CCDC171: variants seen among roughly 807,000 people sequenced by gnomAD.
CCDC171 encodes the protein coiled-coil domain-containing protein 171.
Under a neutral mutation model 168.2 loss-of-function variants are expected in CCDC171, and 177 were observed. The observed-to-expected ratio is 1.05, with a 90% CI of 0.93 to 1.19. The LOEUF (loss-of-function observed/expected upper bound fraction) is 1.19, where lower values mean the gene tolerates loss of function less well. CCDC171 is among the 50% of genes most tolerant of loss of function. The pLI, the probability that CCDC171 is intolerant of heterozygous loss-of-function variation, is 0.00. For synonymous variants in CCDC171, 687 were observed against 540.8 expected (o/e 1.27, Z -3.75); for missense variants, 1,991 against 1,539.0 (o/e 1.29, Z -4.91).
intron 7 of CCDC171, among the ~76,000 whole-genome samples, chr9:15,645,890 C>G (rs2132645274): frequency 6.6e-6 from 1 of 152,264 alleles, no homozygotes; most frequent in Admixed American, 6.5e-5. Context: ...TCAGGAAATA[C>G]AGAGAACGCC....
chr9:15,950,441 A>G (rs965166521), intron 25 of CCDC171, among the ~76,000 whole-genome samples: 2 of 152,308 alleles, frequency 1.3e-5, no homozygotes, highest in African/African-American at 4.8e-5. Flanking sequence ...GAAACTCTAC[A>G]AGCCAGAAGA....
chr9:15,855,554 G>A (rs181497006), intron 23 of CCDC171, among the ~76,000 whole-genome samples: 2 of 151,842 alleles, frequency 1.3e-5, no homozygotes, highest in Admixed American at 1.3e-4. Flanking sequence ...TAACGTAATT[G>A]TGATAAGGAA....
chr9:15,961,506 G>T (rs1048845798), intron 25 of CCDC171, among the ~76,000 whole-genome samples: 1 of 152,124 alleles, frequency 6.6e-6, no homozygotes, highest in Non-Finnish European at 1.5e-5. Context: ...ATTACTCAGT[G>T]TCATTATTTG....
chr9:15,646,159 T>A (rs1263604744), intron 7 of CCDC171, among the ~76,000 whole-genome samples: 4 of 152,082 alleles, frequency 2.6e-5, no homozygotes, highest in Non-Finnish European at 5.9e-5. Flanking sequence ...GCTTCATAAG[T>A]GAAGGAGAAA....
At chr9:15,677,855 G>GTATA (rs201308668) in intron 9 of CCDC171, among the ~76,000 whole-genome samples, 5 of 66,578 alleles carry the variant, frequency 7.5e-5, no homozygotes, top group East Asian at 5.5e-4. Context: ...GTGTGTGTAT[G>GTATA]TATATATATA....
chr9:15,920,153 G>A (rs1254252398), intron 24 of CCDC171, 117 bp from the exon 25 acceptor site: 1 of 559,670 alleles, frequency 1.8e-6, no homozygotes, highest in African/African-American at 1.9e-5. Context: ...TTATTTTAAA[G>A]AAAGATGAAA....
the CCDC171 span, among the ~76,000 whole-genome samples, chr9:16,096,256 G>A: frequency 2.0e-5 from 3 of 152,096 alleles, no homozygotes; most frequent in Non-Finnish European, 4.4e-5. Context: ...TGTAGAGCAG[G>A]CCATAGTAAA....
At chr9:15,783,935 T>C (rs1161295009) in intron 20 of CCDC171, among the ~76,000 whole-genome samples, 1 of 152,178 alleles carries the variant, frequency 6.6e-6, no homozygotes, top group Non-Finnish European at 1.5e-5. Context: ...TTGGGGATGC[T>C]ACACCTTTAT....
intron 25 of CCDC171, among the ~76,000 whole-genome samples, chr9:15,960,748 C>T (rs770620805): frequency 6.6e-6 from 1 of 152,154 alleles, no homozygotes; most frequent in Non-Finnish European, 1.5e-5. Flanking sequence ...CCCCAGATCA[C>T]ATGATTTGTC....
intron 13 of CCDC171, 90 bp from the exon 14 acceptor site, chr9:15,724,686 G>C (rs540518930): frequency 7.9e-6 from 6 of 755,396 alleles, no homozygotes; most frequent in Non-Finnish European, 1.3e-5. Context: ...TTAAAGCTTT[G>C]AAAATGTTCA....
intron 3 of CCDC171, among the ~76,000 whole-genome samples, chr9:15,573,456 A>G (rs1006120433): frequency 1.3e-5 from 2 of 151,386 alleles, no homozygotes; most frequent in African/African-American, 4.8e-5. Flanking sequence ...TAATTTTTGT[A>G]TTTTTAGTAG....
chr9:15,714,073 CAT>C (rs1422343711), intron 11 of CCDC171, among the ~76,000 whole-genome samples: 2 of 152,140 alleles, frequency 1.3e-5, no homozygotes, highest in Admixed American at 1.3e-4. Flanking sequence ...CAATTGGAGT[CAT>C]ATTGATTAAT....
downstream of CCDC171, among the ~76,000 whole-genome samples, chr9:16,062,744 T>C (rs1457498604): frequency 6.6e-6 from 1 of 152,152 alleles, no homozygotes; most frequent in Non-Finnish European, 1.5e-5. Context: ...GAGAGTGACA[T>C]GCACACAAAT....
intron 7 of CCDC171, among the ~76,000 whole-genome samples, chr9:15,635,923 A>C (rs912152520): frequency 6.6e-6 from 1 of 152,096 alleles, no homozygotes; most frequent in Non-Finnish European, 1.5e-5. Context: ...TAAGGGTTCT[A>C]GTTTCTCTAG....
At chr9:15,822,922 C>G (rs1189835325) in intron 21 of CCDC171, among the ~76,000 whole-genome samples, 2 of 152,110 alleles carry the variant, frequency 1.3e-5, no homozygotes, top group African/African-American at 4.8e-5. Context: ...ATAGCAAAGA[C>G]TTGGAACCAA....
At chr9:16,091,462 T>C in the CCDC171 span, among the ~76,000 whole-genome samples, 4 of 152,192 alleles carry the variant, frequency 2.6e-5, no homozygotes, top group African/African-American at 9.7e-5. Context: ...GAAATCTGAC[T>C]CAGGAGTCAC....
chr9:15,970,395 GT>G (rs766959724), intron 25 of CCDC171, among the ~76,000 whole-genome samples: 8,368 of 143,890 alleles, frequency 0.058, 340 homozygotes, highest in African/African-American at 0.12. Context: ...CTACTAAAAA[GT>G]TTTTTTTTTT....
At chr9:16,077,692 T>A in the CCDC171 span, among the ~76,000 whole-genome samples, 43 of 152,188 alleles carry the variant, frequency 2.8e-4, 1 homozygote, top group South Asian at 8.5e-3. Context: ...CACTCACAGA[T>A]GTAAGAGGGG....
intron 3 of CCDC171, among the ~76,000 whole-genome samples, chr9:15,987,948 G>C (rs1178670277): frequency 6.6e-6 from 1 of 152,170 alleles, no homozygotes; most frequent in East Asian, 1.9e-4. Flanking sequence ...TGGGAAAAAA[G>C]GGTGTCACTA....
Sources: gnomAD v4.1 joint callset for allele counts (sites outside exome capture counted in the v4.1 genomes callset) on GRCh38, gnomAD v4.1.1 for gene constraint, MANE v1.5 for transcripts, NCBI Gene and HGNC (gene_info 2026-07-23, HGNC 2026-07-21) for gene names.